The following FRG2C variants were observed in gnomAD, a reference collection of about 807,000 sequenced individuals.
FRG2C encodes FSHD region gene 2 family member C.
In FRG2C, 8 loss-of-function variants were observed where a neutral mutation model predicts 14.1. That is an observed-to-expected ratio of 0.57 (90% CI 0.33 to 1.02). The LOEUF (loss-of-function observed/expected upper bound fraction) is 1.02, where lower values mean the gene tolerates loss of function less well. FRG2C is among the 50% of genes least tolerant of loss of function. FRG2C has a pLI of 0.03. For missense variants in FRG2C, 214 were observed against 334.2 expected (o/e 0.64, Z 2.80); for synonymous variants, 92 against 127.4 (o/e 0.72, Z 1.87).
At chr3:75,665,094 G>A (rs1937049625) in intron 2 of FRG2C, 32 bp from the exon 3 acceptor site, 1 of 1,610,550 alleles carries the variant, frequency 6.2e-7, no homozygotes, top group Non-Finnish European at 8.5e-7. Flanking sequence ...TTCAGTTGGA[G>A]GCACTTTCTC....
Position 75,664,392 on chromosome 3 carries a change from A to G in FRG2C, c.13A>G (p.Asn5Asp). 1 of 1,612,138 alleles carries G rather than the reference A, an allele frequency of 6.2e-7. No homozygotes were observed. Among genetic ancestry groups the G allele is most frequent in the Non-Finnish European group, 8.5e-7 (1 of 1,179,878 alleles). MGKG[N>D]EDPDLHCSSI... Reference sequence around the variant, plus strand: ...CTTGAGCTTCAACATGGGAAAGGGAAATGAAGACCCCGATCTCCACTGTTC... The same window carrying G: ...CTTGAGCTTCAACATGGGAAAGGGAGATGAAGACCCCGATCTCCACTGTTC... The change falls in exon 1 of 4, where the codon AAT becomes GAT. Residue 5 changes from asparagine to aspartate, a missense_variant. By Grantham distance (23) the Asn-to-Asp change is conservative. Transcript: ENST00000308062.
rs965220573 is a variant in FRG2C, at chr3:75,667,078, T to C, written c.*1037T>C. 4 of 82 alleles carry C rather than the reference T, an allele frequency of 0.049. No individual in the cohort carries two copies. Among genetic ancestry groups the C allele is most frequent in the Non-Finnish European group, 0.12 (2 of 16 alleles). The allele number at this position is 82 out of a possible 1,614,324, so 0.0% of individuals were successfully genotyped here. A position where few individuals can be genotyped will look rare whatever the true frequency, so the allele number is the denominator to read the frequency against. On this transcript the variant is annotated 3_prime_UTR_variant, in exon 4 of 4. Coordinates refer to ENST00000308062, the MANE Select transcript of FRG2C (RefSeq NM_001124759.5). ...TTTTGTACTGAGATCATACAATCTTTCATTATCTAAGTGTATTAATGACTT... is the reference window on the plus strand; with the variant it reads ...TTTTGTACTGAGATCATACAATCTTCCATTATCTAAGTGTATTAATGACTT...
intron 1 of FRG2C, 56 bp downstream of exon 1, chr3:75,664,613 C>G (rs1358661572): frequency 7.2e-4 from 1,156 of 1,612,724 alleles, no homozygotes; most frequent in Admixed American, 9.0e-4. Context: ...ATCAGGGATA[C>G]TGAGCTATGT....
At chr3:75,665,379 A>G (rs1937063023) in intron 3 of FRG2C, 148 bp from the exon 4 acceptor site, 8 of 1,441,686 alleles carry the variant, frequency 5.5e-6, no homozygotes, top group Non-Finnish European at 7.6e-6. Context: ...GGGACTCACA[A>G]GTGGTTCAGC....
Position 75,665,644 on chromosome 3 carries a change from G to A in FRG2C, c.452G>A (p.Arg151Lys). The change falls in exon 4 of 4, where the codon AGG becomes AAG. Residue 151 changes from arginine (R) to lysine (K), a missense_variant. By Grantham distance (26) the Arg-to-Lys change is conservative (BLOSUM62 2). Around this residue, in one of 3 missense-constraint regions of FRG2C, gnomAD observed 136 missense variants for 148.1 expected, o/e 0.92. Transcript: ENST00000308062. ...TCDAHHRGSSRACTGRSKRHR... is the reference protein window; with the variant it reads ...TCDAHHRGSSKACTGRSKRHR... ...GATGCCCACCATAGGGGAAGTTCCAGGGCTTGCACTGGGCGCAGCAAGCGG... is the reference window on the plus strand; with the variant it reads ...GATGCCCACCATAGGGGAAGTTCCAAGGCTTGCACTGGGCGCAGCAAGCGG... 6.2e-7 allele frequency: 1 copy of A among 1,614,062 alleles called. No individual in the cohort carries two copies. Among genetic ancestry groups the A allele is most frequent in the East Asian group, 2.2e-5 (1 of 44,894 alleles).
Position 75,666,531 on chromosome 3 carries a change from C to T in FRG2C, c.*490C>T, listed in dbSNP as rs77266648. The T allele has an allele frequency of 8.4e-4, 166 of 198,744 alleles. No individual in the cohort carries two copies. Among genetic ancestry groups the T allele is most frequent in the South Asian group, 6.6e-3 (66 of 9,980 alleles). 12.3% of individuals were successfully genotyped at this position (198,744 alleles called of 1,614,324 possible). ...AGTAGCTGGGACTACAGGCATGTAC[C>T]GCCATGCCTGGCTAATGTTTTTTTC... On this transcript the variant is annotated 3_prime_UTR_variant, in exon 4 of 4. Transcript: ENST00000308062.
chr3:75,665,616 T>A lies in FRG2C; in HGVS notation c.424T>A (p.Cys142Ser), dbSNP rs1937069614. 1.2e-6 allele frequency: 2 copies of A among 1,614,066 alleles called. No individual in the cohort carries two copies. The highest frequency in any genetic ancestry group is 2.7e-5 in the African/African-American group (2 of 75,082). The part of the protein sequence containing the change: ...AVHNSEIQET[C>S]DAHHRGSSRA... ...GCACAACAGTGAAATCCAGGAGACC[T>A]GTGATGCCCACCATAGGGGAAGTTC... Residue 142 changes from cysteine (C) to serine (S), a missense_variant, in exon 4 of 4, where the codon TGT becomes AGT. By Grantham distance (112) the Cys-to-Ser change is moderately radical. Transcript: ENST00000308062.
At chr3:75,664,704 C>A in intron 1 of FRG2C, 115 bp from the exon 2 acceptor site, 1 of 1,607,282 alleles carries the variant, frequency 6.2e-7, no homozygotes, top group South Asian at 1.1e-5. Flanking sequence ...AATGTGTTCA[C>A]TCATGACACT....
In FRG2C at chr3:75,665,795, T is replaced by C; in HGVS notation, c.603T>C (p.Ser201=). ...AGGTGTGGGCACAGCAGATCCATTCTCCACTGACCTGTGAGCAGCTGACAC... is the reference window on the plus strand; with the variant it reads ...AGGTGTGGGCACAGCAGATCCATTCCCCACTGACCTGTGAGCAGCTGACAC... ...LAQVWAQQIH[S]PLTCEQLTLL... is the part of the protein sequence containing the mutation. Residue 201 remains serine, a synonymous_variant, in exon 4 of 4, where the codon TCT becomes TCC. Coordinates refer to ENST00000308062, the MANE Select transcript of FRG2C (RefSeq NM_001124759.5). 6.2e-7 allele frequency: 1 copy of C among 1,614,062 alleles called. No individual in the cohort carries two copies. Among genetic ancestry groups the C allele is most frequent in the Non-Finnish European group, 8.5e-7 (1 of 1,179,874 alleles).
At position 75,665,683 on chromosome 3, in the gene FRG2C, C is replaced by G. The variant is rs1285679504; in HGVS notation, c.491C>G (p.Ala164Gly). Residue 164 changes from alanine to glycine, a missense_variant, in exon 4 of 4, where the codon GCC becomes GGC. Around this residue, in one of 3 missense-constraint regions of FRG2C, gnomAD observed 136 missense variants for 148.1 expected, o/e 0.92. Coordinates refer to ENST00000308062, the MANE Select transcript of FRG2C (RefSeq NM_001124759.5). Reference sequence around the variant, plus strand: ...CGCAGCAAGCGGCATAGGTCTCGGGCCCTAGAAGTCCAAACACCGTCACTT... The same window carrying G: ...CGCAGCAAGCGGCATAGGTCTCGGGGCCTAGAAGTCCAAACACCGTCACTT... ...TGRSKRHRSR[A>G]LEVQTPSLRK... 2.5e-5 allele frequency: 40 copies of G among 1,613,208 alleles called. No individual in the cohort carries two copies. The South Asian group carries it at 4.4e-4, about 18-fold the overall frequency.
rs36126864 is a variant in FRG2C, at chr3:75,666,583, G to A, written c.*542G>A. The stretch of plus-strand genomic sequence containing the variant: ...TGTATTGTTAGTAGAGTTTTGTCAC[G>A]TTGGCCAGGTTGGCCTCGGACTCAA... On this transcript the variant is annotated 3_prime_UTR_variant, in exon 4 of 4. Coordinates refer to ENST00000308062, the MANE Select transcript of FRG2C (RefSeq NM_001124759.5). 1.2e-4 allele frequency: 21 copies of A among 169,800 alleles called. No individual in the cohort carries two copies. The highest frequency in any genetic ancestry group is 2.5e-4 in the Non-Finnish European group (20 of 78,984). The allele number at this position is 169,800 out of a possible 1,614,324, so 10.5% of individuals were successfully genotyped here.
rs1488938726 is a variant in FRG2C, at chr3:75,664,364, T to C, written c.-16T>C. ...TTGGACATGTGAGAGAGCGCACCTT[T>C]CACTTGAGCTTCAACATGGGAAAGG... On this transcript the variant is annotated 5_prime_UTR_variant, in exon 1 of 4. Coordinates refer to ENST00000308062, the MANE Select transcript of FRG2C (RefSeq NM_001124759.5). The C allele has an allele frequency of 3.7e-6, 6 of 1,612,018 alleles. No individual in the cohort carries two copies. The highest frequency in any genetic ancestry group is 2.2e-4 in the Middle Eastern group (1 of 4,452).
chr3:75,664,349 G>C lies in FRG2C; in HGVS notation c.-31G>C. 1 of 1,612,108 alleles carries C rather than the reference G, an allele frequency of 6.2e-7. No individual in the cohort carries two copies. Among genetic ancestry groups the C allele is most frequent in the Non-Finnish European group, 8.5e-7 (1 of 1,179,880 alleles). ...ACCCACACTCTGCCTTTGGACATGT[G>C]AGAGAGCGCACCTTTCACTTGAGCT... On this transcript the variant is annotated 5_prime_UTR_variant, in exon 1 of 4. The change abolishes the stop of an existing upstream ORF in the 5' untranslated region. Transcript: ENST00000308062.
At chr3:75,664,974 T>G in intron 2 of FRG2C, 78 bp downstream of exon 2, 6 of 1,613,216 alleles carry the variant, frequency 3.7e-6, no homozygotes, top group Non-Finnish European at 5.1e-6. Flanking sequence ...TGGGAGCTCC[T>G]TGGCAGCCAG....
rs1230844337 is a variant in FRG2C at position 75,666,800 on chromosome 3, A to G, written c.*759A>G. ...GTTTATACATTTTTACAGTTTGCAT[A>G]GTAAAATTACTATGCAAGCTGTTTA... On this transcript the variant is annotated 3_prime_UTR_variant, in exon 4 of 4. Transcript: ENST00000308062. 6.6e-6 allele frequency: 1 copy of G among 152,320 alleles called. No individual in the cohort carries two copies. Among genetic ancestry groups the G allele is most frequent in the Non-Finnish European group, 1.5e-5 (1 of 68,064 alleles). 9.4% of individuals were successfully genotyped at this position (152,320 alleles called of 1,614,324 possible).
chr3:75,665,013 C>T (rs1937047836), intron 2 of FRG2C, 113 bp from the exon 3 acceptor site: 15 of 1,591,040 alleles, frequency 9.4e-6, no homozygotes, highest in South Asian at 3.3e-5. Flanking sequence ...CACTGGAGAA[C>T]AGAAGAGAGC....
At position 75,665,010 on chromosome 3, in the gene FRG2C, G is replaced by A. The variant is rs1172739323; in HGVS notation, c.256+114G>A. 1.2e-4 allele frequency: 186 copies of A among 1,592,820 alleles called. No individual in the cohort carries two copies. In the South Asian group the frequency reaches 2.0e-3, roughly 17 times the overall value. On this transcript the variant is annotated intron_variant, in intron 2 of 3. Transcript: ENST00000308062. Reference sequence around the variant, plus strand: ...GGCAGTACAGATCCTGGACACTGGAGAACAGAAGAGAGCTGGGGTTTGGCG... The same window carrying A: ...GGCAGTACAGATCCTGGACACTGGAAAACAGAAGAGAGCTGGGGTTTGGCG...
At chr3:75,665,333 T>G in intron 3 of FRG2C, 130 bp downstream of exon 3, 2 of 1,442,064 alleles carry the variant, frequency 1.4e-6, no homozygotes, top group South Asian at 2.4e-5. Context: ...TATTGACAAG[T>G]AAATTTTTGA....
intron 1 of FRG2C, 65 bp from the exon 2 acceptor site, chr3:75,664,754 G>T: frequency 6.2e-7 from 1 of 1,610,142 alleles, no homozygotes; most frequent in Non-Finnish European, 8.5e-7. Context: ...TCTCAAAAAT[G>T]CATGAGAGAT....
Sources: allele counts gnomAD v4.1 joint callset, GRCh38; gene constraint gnomAD v4.1.1; regional missense constraint gnomAD v4.1.1; transcripts MANE v1.5; gene names NCBI Gene and HGNC (gene_info 2026-07-23, HGNC 2026-07-21).